The following RSF1 variants were observed in gnomAD, a reference collection of about 807,000 sequenced individuals.
RSF1 encodes HBV pX-associated protein 8.
In RSF1, 13 loss-of-function variants were observed where a neutral mutation model predicts 145.2. The observed-to-expected ratio is 0.09, with a 90% CI of 0.06 to 0.14. The LOEUF is 0.14. Ranked by LOEUF, RSF1 falls within the 10% of genes least tolerant of loss-of-function variation. The pLI, the probability that RSF1 is intolerant of heterozygous loss-of-function variation, is 1.00. For synonymous variants in RSF1, 577 were observed against 592.6 expected, an observed-to-expected ratio of 0.97 and a Z score of 0.38; for missense variants, 1,517 against 1,718.2, an observed-to-expected ratio of 0.88 and a Z score of 2.07.
At chr11:77,784,283 A>C (rs1221242492) in intron 1 of RSF1, among the ~76,000 whole-genome samples, 1 of 152,176 alleles carries the variant, frequency 6.6e-6, no homozygotes, top group Non-Finnish European at 1.5e-5. Flanking sequence ...TCTTCTGTGA[A>C]ATGCCTTTCA....
At chr11:77,673,324 A>G (rs1487094350) in intron 14 of RSF1, among the ~76,000 whole-genome samples, 2 of 152,272 alleles carry the variant, frequency 1.3e-5, no homozygotes, top group Non-Finnish European at 2.9e-5. Flanking sequence ...TCTCTGATCA[A>G]TAAGCCAGAG....
intron 2 of RSF1, chr11:77,763,203 A>C: frequency 6.6e-6 from 1 of 152,228 alleles, no homozygotes; most frequent in South Asian, 2.1e-4. Flanking sequence ...TTAGCCAGGC[A>C]TGGTGGCACG....
In RSF1 at chr11:77,715,608, C is replaced by G. The variant is rs557610397; in HGVS notation, c.733+9937G>C. The stretch of plus-strand genomic sequence containing the variant: ...GATTACAGGCTCATGCCATCACACC[C>G]AGCTAATTTTTGTAATTTTAGTAGA... On this transcript the variant is annotated intron_variant, in intron 5 of 15. Transcript: ENST00000308488. Among the ~76,000 whole-genome samples the G allele has an allele frequency of 2.2e-4, 33 of 152,226 alleles. No homozygotes were observed. The South Asian group carries it at 5.4e-3, about 25-fold the overall frequency.
intron 2 of RSF1, among the ~76,000 whole-genome samples, chr11:77,759,618 A>G (rs1192130431): frequency 6.6e-6 from 1 of 152,228 alleles, no homozygotes; most frequent in Non-Finnish European, 1.5e-5. Flanking sequence ...CAGGAGGCGG[A>G]GGTTGCAGTG....
the RSF1 span, among the ~76,000 whole-genome samples, chr11:77,863,269 A>G: frequency 1.5e-3 from 225 of 152,256 alleles, 1 homozygote; most frequent in African/African-American, 5.2e-3. Flanking sequence ...GGGAGCGGCA[A>G]TGGGCGCTCA....
rs537402618 is a variant in RSF1 at position 77,674,791 on chromosome 11, G to C, written c.3562+245C>G. On this transcript the variant is annotated intron_variant, in intron 14 of 15. Coordinates refer to ENST00000308488, the MANE Select transcript of RSF1 (RefSeq NM_016578.4). ...GAGGTGGGCAGATCACCTGAGGTCGGGAGTTTGAGACCAGCCTGGCCAACA... is the reference window on the plus strand; with the variant it reads ...GAGGTGGGCAGATCACCTGAGGTCGCGAGTTTGAGACCAGCCTGGCCAACA... 2.0e-5 allele frequency among the ~76,000 whole-genome samples: 3 copies of C among 152,254 alleles called. No homozygotes were observed. In the East Asian group the frequency reaches 5.8e-4, roughly 29 times the overall value.
At chr11:77,806,250 A>G (rs1421337812) in intron 1 of RSF1, among the ~76,000 whole-genome samples, 2 of 152,184 alleles carry the variant, frequency 1.3e-5, no homozygotes, top group Non-Finnish European at 2.9e-5. Context: ...TAAATAACAG[A>G]AACGGAATAA....
the RSF1 span, among the ~76,000 whole-genome samples, chr11:77,858,302 CTTTTT>C: frequency 5.3e-3 from 367 of 69,348 alleles, no homozygotes; most frequent in Admixed American, 8.9e-3. Context: ...TTAAGCAATT[CTTTTT>C]TTTTTTTTTT....
At chr11:77,871,766 C>T in the RSF1 span, among the ~76,000 whole-genome samples, 1 of 152,198 alleles carries the variant, frequency 6.6e-6, no homozygotes, top group Non-Finnish European at 1.5e-5. Context: ...GGAGTTTGCA[C>T]ACCAAGGTAG....
chr11:77,835,462 A>G, the RSF1 span, among the ~76,000 whole-genome samples: 1 of 127,110 alleles, frequency 7.9e-6, no homozygotes, highest in African/African-American at 3.3e-5. Flanking sequence ...GCTTTGGGGT[A>G]TGTTTAACTC....
chr11:77,714,464 C>T (rs1420548820), intron 5 of RSF1, among the ~76,000 whole-genome samples: 1 of 152,188 alleles, frequency 6.6e-6, no homozygotes, highest in Non-Finnish European at 1.5e-5. Context: ...TTCCTCCAAT[C>T]ATGAAAGATT....
chr11:77,791,473 A>T (rs4945215), intron 1 of RSF1, among the ~76,000 whole-genome samples: 3,095 of 152,198 alleles, frequency 0.02, 96 homozygotes, highest in African/African-American at 0.07. Flanking sequence ...GTGCAAATTT[A>T]TGCAGCAGAC....
the RSF1 span, among the ~76,000 whole-genome samples, chr11:77,858,460 C>G: frequency 2.0e-5 from 3 of 151,854 alleles, no homozygotes; most frequent in Non-Finnish European, 4.4e-5. Context: ...TCTTTACCTC[C>G]TGTTTTTGCC....
At chr11:77,865,313 C>T in the RSF1 span, among the ~76,000 whole-genome samples, 93 of 152,088 alleles carry the variant, frequency 6.1e-4, no homozygotes, top group African/African-American at 2.2e-3. Flanking sequence ...GTGGCCAGTC[C>T]AAACTGGTGG....
chr11:77,800,428 G>A (rs1382036202), intron 1 of RSF1, among the ~76,000 whole-genome samples: 1 of 151,948 alleles, frequency 6.6e-6, no homozygotes, highest in Non-Finnish European at 1.5e-5. Context: ...GGAGGCAGAG[G>A]TTGCAGTGAG....
rs1481803830 is a variant in RSF1 at position 77,698,555 on chromosome 11, C to T, written c.2647G>A (p.Glu883Lys). ...ASEEEEEKES[E>K]EAILADDDEP... ...TCATCATCTGCTAGGATGGCTTCTT[C>T]ACTTTCCTTTTCTTCCTCCTCTTCT... The change falls in exon 7 of 16, where the codon GAA becomes AAA. Residue 883 changes from glutamate to lysine, a missense_variant. Coordinates refer to ENST00000308488, the MANE Select transcript of RSF1 (RefSeq NM_016578.4). The T allele has an allele frequency of 3.7e-6, 6 of 1,614,150 alleles. No individual in the cohort carries two copies. Among genetic ancestry groups the T allele is most frequent in the Admixed American group, 1.7e-5 (1 of 60,014 alleles).
At chr11:77,767,328 G>A (rs191343215) in intron 1 of RSF1, among the ~76,000 whole-genome samples, 43 of 151,984 alleles carry the variant, frequency 2.8e-4, no homozygotes, top group African/African-American at 8.7e-4. Context: ...ATACCTTCTC[G>A]CATCAGAAAA....
chr11:77,817,115 C>G (rs4945220), intron 1 of RSF1, among the ~76,000 whole-genome samples: 118,979 of 152,114 alleles, frequency 0.78, 46,643 homozygotes, highest in East Asian at 0.91. Flanking sequence ...AACATTCTAG[C>G]TTCACGGCAC....
intron 4 of RSF1, among the ~76,000 whole-genome samples, chr11:77,731,506 T>C (rs1392679662): frequency 1.3e-5 from 2 of 152,238 alleles, no homozygotes; most frequent in Admixed American, 1.3e-4. Flanking sequence ...AGCCAAATGT[T>C]ATCCCTGAGA....
Sources: allele counts gnomAD v4.1 joint callset (sites outside exome capture counted in the v4.1 genomes callset), GRCh38; gene constraint gnomAD v4.1.1; transcripts MANE v1.5; gene names NCBI Gene and HGNC (gene_info 2026-07-23, HGNC 2026-07-21).